The following AGO1 variants were observed in gnomAD, a reference collection of about 807,000 sequenced individuals.
The protein encoded by AGO1 is protein argonaute-1.
A neutral mutation model predicts 109.2 loss-of-function variants in AGO1; 11 were observed. The ratio of observed to expected loss-of-function variants is 0.10; its 90% confidence interval spans 0.06 to 0.17. The LOEUF is 0.17. Ranked by LOEUF, AGO1 falls within the 10% of genes least tolerant of loss-of-function variation. The probability of loss-of-function intolerance (pLI) is 1.00; values close to 1 mark genes in which losing one functional copy is unlikely to be tolerated. For synonymous variants in AGO1, 422 were observed against 418.6 expected, an observed-to-expected ratio of 1.01 and a Z score of -0.10; for missense variants, 574 against 1,140.3, an observed-to-expected ratio of 0.50 and a Z score of 7.15.
intron 11 of AGO1, among the ~76,000 whole-genome samples, chr1:35,903,836 G>C (rs916519349): frequency 6.6e-6 from 1 of 151,852 alleles, no homozygotes; most frequent in East Asian, 2.0e-4. Context: ...GGTGGCGCGT[G>C]CCTGTAGTCC....
At chr1:35,877,566 TC>T (rs1645002293) in intron 1 of AGO1, among the ~76,000 whole-genome samples, 1 of 152,194 alleles carries the variant, frequency 6.6e-6, no homozygotes, top group South Asian at 2.1e-4. Context: ...GAAATTATCA[TC>T]TATACTGTCC....
Position 35,917,210 on chromosome 1 carries a change from T to G in AGO1, c.2029-383T>G, listed in dbSNP as rs150438447. Among the ~76,000 whole-genome samples the G allele has an allele frequency of 2.1e-4, 32 of 152,292 alleles. No individual in the cohort carries two copies. The East Asian group carries it at 6.2e-3, about 29-fold the overall frequency. On this transcript the variant is annotated intron_variant, in intron 15 of 18. Transcript: ENST00000373204. The stretch of plus-strand genomic sequence containing the variant: ...CTCTGGTGGTCCACAACCTGTCTGC[T>G]CTTGGAGCCCAAAGGAGAACTCTCA...
rs770625415 is a variant in AGO1 at position 35,914,190 on chromosome 1, C to G, written c.1749C>G (p.Ala583=). 71 of 1,614,014 alleles carry G rather than the reference C, an allele frequency of 4.4e-5. No homozygotes were observed. Among genetic ancestry groups the G allele is most frequent in the Non-Finnish European group, 5.8e-5 (69 of 1,180,004 alleles). The change falls in exon 14 of 19, where the codon GCC becomes GCG. Residue 583 remains alanine, a synonymous_variant. Coordinates refer to ENST00000373204, the MANE Select transcript of AGO1 (RefSeq NM_012199.5). The part of the protein sequence containing the change: ...NNILVPHQRS[A]VFQQPVIFLG... ...TTTTCTCTTCCTTGCTCAGCTCTGC[C>G]GTTTTTCAACAGCCAGTGATATTCC...
intron 15 of AGO1, among the ~76,000 whole-genome samples, chr1:35,916,421 G>A (rs545254880): frequency 2.0e-5 from 3 of 152,126 alleles, no homozygotes; most frequent in African/African-American, 4.8e-5. Flanking sequence ...AGGGTGGAGC[G>A]CAGTGGTGTG....
chr1:35,917,922 T>C (rs1645764034), intron 16 of AGO1, among the ~76,000 whole-genome samples, 195 bp downstream of exon 16: 1 of 152,110 alleles, frequency 6.6e-6, no homozygotes, highest in African/African-American at 2.4e-5. Flanking sequence ...CGTCCTTCCC[T>C]TATACTTCCT....
intron 14 of AGO1, 42 bp downstream of exon 14, chr1:35,914,316 C>T (rs776223589): frequency 9.8e-6 from 15 of 1,528,890 alleles, no homozygotes; most frequent in African/African-American, 5.5e-5. Context: ...TTCTCCTCTT[C>T]GCTCTGAGTC....
chr1:35,887,352 CA>C (rs1645137267), intron 1 of AGO1, among the ~76,000 whole-genome samples: 1 of 152,154 alleles, frequency 6.6e-6, no homozygotes, highest in Non-Finnish European at 1.5e-5. Context: ...TCTCTACTGC[CA>C]AGAACAATAG....
At chr1:35,906,449 C>G (rs1452042449) in intron 11 of AGO1, among the ~76,000 whole-genome samples, 1 of 152,178 alleles carries the variant, frequency 6.6e-6, no homozygotes, top group African/African-American at 2.4e-5. Context: ...AGCAAGTACT[C>G]TCTTACCTTA....
chr1:35,897,017 C>T (rs1034002629), intron 8 of AGO1, among the ~76,000 whole-genome samples: 1 of 152,160 alleles, frequency 6.6e-6, no homozygotes, highest in Non-Finnish European at 1.5e-5. Flanking sequence ...GCTTATTTAA[C>T]ATATATTTAT....
At chr1:35,874,452 T>C (rs1451011988) in intron 1 of AGO1, among the ~76,000 whole-genome samples, 2 of 152,180 alleles carry the variant, frequency 1.3e-5, no homozygotes, top group African/African-American at 4.8e-5. Flanking sequence ...GCTGGGATTA[T>C]GGGCATGAGC....
chr1:35,911,858 T>C (rs1645638290), intron 12 of AGO1, among the ~76,000 whole-genome samples: 1 of 152,222 alleles, frequency 6.6e-6, no homozygotes, highest in Non-Finnish European at 1.5e-5. Context: ...CATTTCACTT[T>C]GTTGACCACT....
chr1:35,880,162 T>A (rs1645024001), upstream of AGO1, among the ~76,000 whole-genome samples: 1 of 152,138 alleles, frequency 6.6e-6, no homozygotes, highest in South Asian at 2.1e-4. Flanking sequence ...CAGCAGTGTA[T>A]CTGATATTGT....
At chr1:35,871,524 A>G (rs1158652260) in intron 1 of AGO1, among the ~76,000 whole-genome samples, 1 of 151,468 alleles carries the variant, frequency 6.6e-6, no homozygotes, top group Non-Finnish European at 1.5e-5. Flanking sequence ...GCCTGGTGAC[A>G]GAGCAAGACT....
At chr1:35,890,627 A>G (rs1645201105) in intron 2 of AGO1, among the ~76,000 whole-genome samples, 1 of 152,120 alleles carries the variant, frequency 6.6e-6, no homozygotes, top group African/African-American at 2.4e-5. Flanking sequence ...ATATAGATTC[A>G]TTTTTGCACT....
intron 13 of AGO1, 90 bp from the exon 14 acceptor site, chr1:35,914,094 A>T: frequency 1.3e-6 from 2 of 1,595,806 alleles, no homozygotes; most frequent in South Asian, 2.2e-5. Flanking sequence ...TGAATCAGAC[A>T]TAAGGGGGAG....
chr1:35,882,734 G>T, upstream of AGO1: 1 of 880,012 alleles, frequency 1.1e-6, no homozygotes, highest in Non-Finnish European at 1.4e-6. This position sits in a 1 kb window ranked among gnomAD's most constrained non-coding sequence, Gnocchi z 5.1. Flanking sequence ...AGGGGGTGGC[G>T]TCAGTGAGTT....
At chr1:35,900,101 G>A (rs892813515) in intron 8 of AGO1, among the ~76,000 whole-genome samples, 1 of 152,138 alleles carries the variant, frequency 6.6e-6, no homozygotes, top group African/African-American at 2.4e-5. Flanking sequence ...AACAGATGAA[G>A]TAAATGGCAG....
chr1:35,919,404 G>A lies in AGO1; in HGVS notation c.2466-95G>A. 1 of 1,473,266 alleles carries A rather than the reference G, an allele frequency of 6.8e-7. No homozygotes were observed. Among genetic ancestry groups the A allele is most frequent in the Non-Finnish European group, 9.2e-7 (1 of 1,081,988 alleles). The allele number at this position is 1,473,266 out of a possible 1,614,324, so 91.3% of individuals were successfully genotyped here. ...ATCCTGGGTTGGGTTTCTCTCTTAA[G>A]TTGGTATGGGAATTGGCATCCCAGG... On this transcript the variant is annotated intron_variant, in intron 18 of 18. Coordinates refer to ENST00000373204, the MANE Select transcript of AGO1 (RefSeq NM_012199.5). The surrounding 1 kb of genome is among the most constrained non-coding windows in gnomAD (Gnocchi z 6.6).
rs538759192 is a variant in AGO1 at position 35,903,588 on chromosome 1, G to C, written c.1397+1251G>C. ...ATTCGTTCTTAGCTGGGGTGCAGTG[G>C]TGCGTGCCTGTAGTCCTGGCTACTC... is the stretch of plus-strand genomic sequence containing the variant. On this transcript the variant is annotated intron_variant, in intron 11 of 18. Coordinates refer to ENST00000373204, the MANE Select transcript of AGO1 (RefSeq NM_012199.5). 1.6e-4 allele frequency among the ~76,000 whole-genome samples: 24 copies of C among 152,214 alleles called. No homozygotes were observed. The East Asian group carries it at 4.3e-3, about 27-fold the overall frequency.
Sources: allele counts gnomAD v4.1 joint callset (sites outside exome capture counted in the v4.1 genomes callset), GRCh38; gene constraint gnomAD v4.1.1; non-coding constraint Gnocchi (gnomAD v3.1); transcripts MANE v1.5; gene names NCBI Gene and HGNC (gene_info 2026-07-23, HGNC 2026-07-21).